FRMD4A: variants seen among roughly 807,000 people sequenced by gnomAD.
FRMD4A encodes FERM domain containing 4A, also known as FERM domain-containing protein 4A.
A neutral mutation model predicts 129.1 loss-of-function variants in FRMD4A; 29 were observed. The observed-to-expected ratio is 0.22, with a 90% CI of 0.17 to 0.31. FRMD4A has a LOEUF of 0.31. Ranked by LOEUF, FRMD4A falls within the 10% of genes least tolerant of loss-of-function variation. The pLI is 1.00. For missense variants in FRMD4A, 1,272 were observed against 1,375.8 expected (o/e 0.92, Z 1.19); for synonymous variants, 634 against 571.6 (o/e 1.11, Z -1.56).
intron 17 of FRMD4A, 66 bp downstream of exon 17, chr10:13,670,340 A>C: frequency 6.5e-7 from 1 of 1,532,370 alleles, no homozygotes; most frequent in Non-Finnish European, 9.0e-7. Context: ...AAAACCTGGA[A>C]GGCCTGACCA....
intron 8 of FRMD4A, among the ~76,000 whole-genome samples, chr10:13,750,709 T>C (rs17153902): frequency 0.013 from 2,016 of 152,204 alleles, 82 homozygotes; most frequent in South Asian, 0.12. Context: ...AGGCAGAGAA[T>C]TGTGAAACTT....
chr10:14,194,336 T>C (rs1394995027), intron 2 of FRMD4A, among the ~76,000 whole-genome samples: 1 of 151,988 alleles, frequency 6.6e-6, no homozygotes, highest in African/African-American at 2.4e-5. Flanking sequence ...GGAGGCCGGG[T>C]GCAGTGGTTC....
chr10:14,094,886 T>C (rs1360652191), intron 2 of FRMD4A, among the ~76,000 whole-genome samples: 1 of 152,196 alleles, frequency 6.6e-6, no homozygotes, highest in Non-Finnish European at 1.5e-5. Flanking sequence ...TGTGCATGTA[T>C]GTATATCTAT....
intron 2 of FRMD4A, among the ~76,000 whole-genome samples, chr10:14,201,553 G>C (rs780450773): frequency 6.0e-4 from 92 of 152,192 alleles, no homozygotes; most frequent in Non-Finnish European, 1.1e-3. Flanking sequence ...TCTCCCATTC[G>C]CTTTTCTGCC....
intron 2 of FRMD4A, among the ~76,000 whole-genome samples, chr10:13,915,574 A>G (rs2094992296): frequency 1.3e-5 from 2 of 151,556 alleles, no homozygotes. Flanking sequence ...CGGGAGGCTG[A>G]GGCAGGAGAA....
At chr10:13,884,103 A>AAC (rs57338480) in intron 2 of FRMD4A, among the ~76,000 whole-genome samples, 58,551 of 106,762 alleles carry the variant, frequency 0.55, 16,293 homozygotes, top group Middle Eastern at 0.62. Context: ...ATGGAAAAGA[A>AAC]ACACACACAC....
intron 2 of FRMD4A, among the ~76,000 whole-genome samples, chr10:14,314,082 G>A (rs748711245): frequency 7.2e-5 from 11 of 152,224 alleles, no homozygotes; most frequent in Non-Finnish European, 1.6e-4. Flanking sequence ...ACATTTGCCA[G>A]AAAGCCAGAA....
chr10:14,277,348 G>T (rs1042416394), intron 2 of FRMD4A, among the ~76,000 whole-genome samples: 1 of 152,196 alleles, frequency 6.6e-6, no homozygotes, highest in African/African-American at 2.4e-5. Context: ...TTAGGAAGGG[G>T]GGCGGTTAGG....
At chr10:14,055,182 CCT>C (rs1834449848) in intron 2 of FRMD4A, among the ~76,000 whole-genome samples, 1 of 151,962 alleles carries the variant, frequency 6.6e-6, no homozygotes, top group Non-Finnish European at 1.5e-5. Flanking sequence ...CAGTACTCAA[CCT>C]CAGTCACTTT....
chr10:13,970,550 A>G (rs2095511584), intron 2 of FRMD4A, among the ~76,000 whole-genome samples: 1 of 152,200 alleles, frequency 6.6e-6, no homozygotes, highest in Non-Finnish European at 1.5e-5. Flanking sequence ...AAGTATTGTC[A>G]TGAGCCAGCT....
At chr10:14,063,608 C>T (rs1834919393) in intron 2 of FRMD4A, among the ~76,000 whole-genome samples, 1 of 151,734 alleles carries the variant, frequency 6.6e-6, no homozygotes, top group Non-Finnish European at 1.5e-5. Context: ...TAGACATACT[C>T]TTTGTAATTC....
At chr10:14,243,652 G>A (rs536248018) in intron 2 of FRMD4A, among the ~76,000 whole-genome samples, 1 of 152,238 alleles carries the variant, frequency 6.6e-6, no homozygotes, top group East Asian at 1.9e-4. Flanking sequence ...GGGACTAGGG[G>A]AGGGGGATGG....
chr10:13,731,533 T>C (rs968549209), intron 12 of FRMD4A, among the ~76,000 whole-genome samples: 6 of 151,020 alleles, frequency 4.0e-5, no homozygotes, highest in Non-Finnish European at 7.4e-5. Flanking sequence ...CCTGTAATCC[T>C]AGTTACTCGG....
intron 2 of FRMD4A, among the ~76,000 whole-genome samples, chr10:14,181,984 G>A (rs79324705): frequency 4.7e-4 from 72 of 152,226 alleles, no homozygotes; most frequent in Non-Finnish European, 8.4e-4. Context: ...CGTGAGCCAC[G>A]GTACCCGGAC....
At chr10:14,263,777 G>A (rs1018617534) in intron 2 of FRMD4A, among the ~76,000 whole-genome samples, 22 of 152,264 alleles carry the variant, frequency 1.4e-4, no homozygotes, top group African/African-American at 4.6e-4. Flanking sequence ...TCAGGTTCTC[G>A]GTTTTCACTG....
At chr10:13,766,124 CT>C (rs1163578150) in intron 6 of FRMD4A, among the ~76,000 whole-genome samples, 2 of 152,200 alleles carry the variant, frequency 1.3e-5, no homozygotes, top group African/African-American at 4.8e-5. Context: ...GAAGGAAGGT[CT>C]TTTATTCTAT....
At chr10:14,223,754 A>C (rs1368432707) in intron 2 of FRMD4A, among the ~76,000 whole-genome samples, 1 of 121,970 alleles carries the variant, frequency 8.2e-6, no homozygotes, top group Non-Finnish European at 1.7e-5. Flanking sequence ...ATGAAAAAAA[A>C]AAAAAAAAAA....
At chr10:14,066,239 C>G (rs936967425) in intron 2 of FRMD4A, among the ~76,000 whole-genome samples, 1 of 151,652 alleles carries the variant, frequency 6.6e-6, no homozygotes, top group African/African-American at 2.4e-5. Context: ...CAGGAGTTGG[C>G]CAGAAGCTAT....
At chr10:14,185,526 G>C (rs573936539) in intron 2 of FRMD4A, among the ~76,000 whole-genome samples, 5 of 152,140 alleles carry the variant, frequency 3.3e-5, no homozygotes, top group Admixed American at 1.3e-4. Flanking sequence ...GTTTGTTGTA[G>C]AACTATGGAA....
Sources: allele counts gnomAD v4.1 joint callset (sites outside exome capture counted in the v4.1 genomes callset), GRCh38; gene constraint gnomAD v4.1.1; transcripts MANE v1.5; gene names NCBI Gene and HGNC (gene_info 2026-07-23, HGNC 2026-07-21).